CPA4: variants seen among roughly 807,000 people sequenced by gnomAD.
CPA4 encodes the protein carboxypeptidase A3.
Under a neutral mutation model 54.7 loss-of-function variants are expected in CPA4, and 49 were observed. The observed-to-expected ratio is 0.90, with a 90% CI of 0.71 to 1.14. The LOEUF is 1.14. CPA4 is among the 50% of genes most tolerant of loss of function. The probability of loss-of-function intolerance (pLI) is 0.00; values close to 1 mark genes in which losing one functional copy is unlikely to be tolerated. For missense variants in CPA4, 487 were observed against 525.1 expected (o/e 0.93, Z 0.71); for synonymous variants, 215 against 206.8 (o/e 1.04, Z -0.34).
At chr7:130,304,912 C>T (rs577457912) in intron 5 of CPA4, among the ~76,000 whole-genome samples, 1 of 152,208 alleles carries the variant, frequency 6.6e-6, no homozygotes, top group South Asian at 2.1e-4. Context: ...GTGGGCCTGA[C>T]TTCTATTCTG....
At position 130,310,883 on chromosome 7, in the gene CPA4, A is replaced by C. The variant is rs372886617; in HGVS notation, c.890A>C (p.Lys297Thr). The C allele has an allele frequency of 3.7e-6, 6 of 1,614,124 alleles. No homozygotes were observed. Among genetic ancestry groups the C allele is most frequent in the Non-Finnish European group, 5.1e-6 (6 of 1,180,004 alleles). The change falls in exon 9 of 11, where the codon AAA (lysine) becomes ACA (threonine). Residue 297 changes from lysine to threonine, a missense_variant. By Grantham distance (78) the Lys-to-Thr change is moderately conservative. Transcript: ENST00000222482. The surrounding 1 kb of genome is among the most constrained non-coding windows in gnomAD (Gnocchi z 4.3). ...EVKSVVDFIQKHGNFKGFIDL... is the reference protein window; with the variant it reads ...EVKSVVDFIQTHGNFKGFIDL... The stretch of plus-strand genomic sequence containing the variant: ...AAATCAGTGGTAGATTTCATCCAAA[A>C]ACATGGGAATTTCAAGGGCTTCATC...
At chr7:130,311,954 C>G (rs1002767439) in intron 9 of CPA4, 84 bp from the exon 10 acceptor site, 3 of 1,037,914 alleles carry the variant, frequency 2.9e-6, no homozygotes, top group African/African-American at 3.1e-5. Flanking sequence ...TGAGAATCTT[C>G]CAAACCATCC....
At chr7:130,307,621 C>T (rs1052200889) in intron 7 of CPA4, among the ~76,000 whole-genome samples, 2 of 137,146 alleles carry the variant, frequency 1.5e-5, no homozygotes, top group African/African-American at 5.5e-5. Context: ...CAGGGCAAGA[C>T]TCCATCTCAG....
intron 10 of CPA4, 96 bp from the exon 11 acceptor site, chr7:130,322,393 C>A (rs768028674): frequency 8.1e-6 from 8 of 988,092 alleles, no homozygotes; most frequent in Non-Finnish European, 1.1e-5. Flanking sequence ...ACTCTGGATT[C>A]CTTAAGGAAC....
chr7:130,299,471 G>A (rs1475575007), intron 3 of CPA4, 67 bp downstream of exon 3: 21 of 1,443,406 alleles, frequency 1.5e-5, no homozygotes, highest in African/African-American at 9.8e-5. Context: ...AGAGTAGACC[G>A]GAGTGATTTG....
chr7:130,297,326 C>T (rs558783435), intron 1 of CPA4, among the ~76,000 whole-genome samples: 1 of 152,266 alleles, frequency 6.6e-6, no homozygotes, highest in Admixed American at 6.5e-5. Flanking sequence ...AGGTTTGATG[C>T]CTCATCTTCC....
At chr7:130,302,197 G>T (rs113538009) in intron 4 of CPA4, among the ~76,000 whole-genome samples, 1 of 151,994 alleles carries the variant, frequency 6.6e-6, no homozygotes, top group Admixed American at 6.5e-5. Flanking sequence ...TAAAGAACTC[G>T]TATTCTAGGC....
chr7:130,296,679 CTTTTT>C (rs369325885), intron 1 of CPA4, among the ~76,000 whole-genome samples: 13 of 73,002 alleles, frequency 1.8e-4, no homozygotes, highest in Non-Finnish European at 2.9e-4. Context: ...GCTCCCCTCA[CTTTTT>C]TTTTTTTTTT....
At chr7:130,311,436 G>A (rs971235646) in intron 9 of CPA4, among the ~76,000 whole-genome samples, 5 of 151,934 alleles carry the variant, frequency 3.3e-5, no homozygotes, top group Non-Finnish European at 7.3e-5. Context: ...ACTGCAGGTG[G>A]CTGCCCAGGC....
chr7:130,311,720 G>C (rs1793917543), intron 9 of CPA4, among the ~76,000 whole-genome samples: 1 of 152,072 alleles, frequency 6.6e-6, no homozygotes, highest in Admixed American at 6.5e-5. Context: ...TAGATTCCTA[G>C]TGGGTCAGTG....
At chr7:130,308,154 A>G in intron 7 of CPA4, 153 bp from the exon 8 acceptor site, 1 of 664,292 alleles carries the variant, frequency 1.5e-6, no homozygotes, top group Non-Finnish European at 2.7e-6. Context: ...CTGCAGGAGG[A>G]GAGACAACTG....
At chr7:130,296,425 C>T (rs183954607) in intron 1 of CPA4, among the ~76,000 whole-genome samples, 33 of 152,280 alleles carry the variant, frequency 2.2e-4, no homozygotes, top group African/African-American at 6.7e-4. Context: ...CCTGGGACTG[C>T]GCCCAGGAAT....
chr7:130,320,518 C>T (rs193202785), intron 10 of CPA4, among the ~76,000 whole-genome samples: 21 of 152,310 alleles, frequency 1.4e-4, no homozygotes, highest in Admixed American at 3.9e-4. Flanking sequence ...CACGGAGTCT[C>T]ACTGGAAGCA....
At chr7:130,297,491 G>A (rs1793668911) in intron 1 of CPA4, among the ~76,000 whole-genome samples, 1 of 152,178 alleles carries the variant, frequency 6.6e-6, no homozygotes, top group African/African-American at 2.4e-5. Context: ...TTGGGAGAAA[G>A]GGAACCTTCA....
In CPA4 at chr7:130,293,234, A is replaced by G; in HGVS notation, c.54A>G (p.Gln18=). Residue 18 remains glutamine (Q), a synonymous_variant, in exon 1 of 11, where the codon CAA becomes CAG. Coordinates refer to ENST00000222482, the MANE Select transcript of CPA4 (RefSeq NM_016352.4). ...TTATTGGGTCCAGCATCTGTGGCCA[A>G]GAAAAATTTTTTGGGTAAGTTCCTT... ...GALIGSSICG[Q]EKFFGDQVLR... The G allele has an allele frequency of 1.2e-6, 2 of 1,609,718 alleles. No homozygotes were observed. The highest frequency in any genetic ancestry group is 1.7e-6 in the Non-Finnish European group (2 of 1,176,350).
At chr7:130,305,781 G>C (rs780949237) in intron 5 of CPA4, 35 bp from the exon 6 acceptor site, 1 of 1,484,862 alleles carries the variant, frequency 6.7e-7, no homozygotes, top group Non-Finnish European at 9.4e-7. Flanking sequence ...GATGCGGGCA[G>C]GCGGTCATTT....
intron 6 of CPA4, 72 bp from the exon 7 acceptor site, chr7:130,306,715 G>A: frequency 2.3e-6 from 2 of 880,762 alleles, no homozygotes; most frequent in Non-Finnish European, 3.8e-6. Flanking sequence ...GGCATCTTGA[G>A]AAGATACATG....
rs1793887952 is a variant in CPA4 at position 130,310,097 on chromosome 7, A to G, written c.794-690A>G. 6.6e-6 allele frequency among the ~76,000 whole-genome samples: 1 copy of G among 152,160 alleles called. No homozygotes were observed. The highest frequency in any genetic ancestry group is 1.5e-5 in the Non-Finnish European group (1 of 68,022). On this transcript the variant is annotated intron_variant, in intron 8 of 10. Transcript: ENST00000222482. The surrounding 1 kb of genome is among the most constrained non-coding windows in gnomAD (Gnocchi z 4.3). Reference sequence around the variant, plus strand: ...GGTTTGTTTTTAATGTGCTTCTTTTACTTGTATAGAAATACCACACAAACC... The same window carrying G: ...GGTTTGTTTTTAATGTGCTTCTTTTGCTTGTATAGAAATACCACACAAACC...
At chr7:130,299,230 G>C in intron 2 of CPA4, 40 bp from the exon 3 acceptor site, 1 of 1,605,112 alleles carries the variant, frequency 6.2e-7, no homozygotes, top group Non-Finnish European at 8.5e-7. Flanking sequence ...CATTTTACCT[G>C]AACGGTCCTT....
Sources: allele counts gnomAD v4.1 joint callset (sites outside exome capture counted in the v4.1 genomes callset), GRCh38; gene constraint gnomAD v4.1.1; non-coding constraint Gnocchi (gnomAD v3.1); transcripts MANE v1.5; gene names NCBI Gene and HGNC (gene_info 2026-07-23, HGNC 2026-07-21).